The following DIS3L2 variants were observed in gnomAD, a reference collection of about 807,000 sequenced individuals.
The protein encoded by DIS3L2 is DIS3-like exonuclease 2.
In DIS3L2, 34 loss-of-function variants were observed where a neutral mutation model predicts 97.5. That is an observed-to-expected ratio of 0.35 (90% CI 0.27 to 0.46). The LOEUF (loss-of-function observed/expected upper bound fraction) is 0.46, where lower values mean the gene tolerates loss of function less well. Ranked by LOEUF, DIS3L2 falls within the 20% of genes least tolerant of loss-of-function variation. The probability of loss-of-function intolerance (pLI) is 1.00; values close to 1 mark genes in which losing one functional copy is unlikely to be tolerated. For missense variants in DIS3L2, 1,038 were observed against 1,146.0 expected (o/e 0.91, Z 1.36); for synonymous variants, 435 against 445.2 (o/e 0.98, Z 0.29).
chr2:232,004,077 A>C (rs540154504), intron 1 of DIS3L2, among the ~76,000 whole-genome samples: 61 of 151,360 alleles, frequency 4.0e-4, no homozygotes, highest in African/African-American at 1.4e-3. Flanking sequence ...CCCCTTATTT[A>C]TTTGTTTTTT....
intron 12 of DIS3L2, among the ~76,000 whole-genome samples, chr2:232,259,391 G>A (rs114631125): frequency 0.011 from 1,700 of 152,170 alleles, 29 homozygotes; most frequent in African/African-American, 0.038. Flanking sequence ...CTGCTGCTTT[G>A]GGCAAGTCTC....
chr2:232,253,679 GGAGT>G (rs1324499342), intron 12 of DIS3L2, among the ~76,000 whole-genome samples: 1 of 151,976 alleles, frequency 6.6e-6, no homozygotes, highest in East Asian at 1.9e-4. Flanking sequence ...GGTGGGGGAG[GGAGT>G]GTGTATGGAA....
intron 1 of DIS3L2, among the ~76,000 whole-genome samples, chr2:231,977,013 C>T (rs564627299): frequency 3.9e-5 from 6 of 152,210 alleles, no homozygotes; most frequent in African/African-American, 7.2e-5. Context: ...GTGATCCGCC[C>T]GCCTCAGCCT....
At chr2:232,158,424 A>G (rs1690561108) in intron 8 of DIS3L2, among the ~76,000 whole-genome samples, 1 of 152,092 alleles carries the variant, frequency 6.6e-6, no homozygotes, top group African/African-American at 2.4e-5. Context: ...CTTAAATTCA[A>G]TGGTGTAATG....
At chr2:232,168,835 G>A (rs1020494717) in intron 9 of DIS3L2, among the ~76,000 whole-genome samples, 1 of 152,180 alleles carries the variant, frequency 6.6e-6, no homozygotes, top group Non-Finnish European at 1.5e-5. Flanking sequence ...GTACTGTACA[G>A]CAGTAGGTAA....
At chr2:232,033,621 T>A (rs896326712) in intron 5 of DIS3L2, among the ~76,000 whole-genome samples, 1 of 152,194 alleles carries the variant, frequency 6.6e-6, no homozygotes. Flanking sequence ...CATAAATAGC[T>A]CTTACTATTT....
chr2:231,963,949 G>A (rs1278695387), intron 1 of DIS3L2, among the ~76,000 whole-genome samples: 1 of 152,150 alleles, frequency 6.6e-6, no homozygotes, highest in Non-Finnish European at 1.5e-5. Flanking sequence ...TGACTCCTAG[G>A]CTCAAAAGAT....
intron 10 of DIS3L2, among the ~76,000 whole-genome samples, chr2:232,227,447 A>G (rs536021700): frequency 1.3e-5 from 2 of 152,352 alleles, no homozygotes; most frequent in South Asian, 4.1e-4. Flanking sequence ...AAATGAATTA[A>G]TATAATGAAG....
chr2:231,985,183 TAAAGA>T (rs765963355), intron 1 of DIS3L2, among the ~76,000 whole-genome samples: 3 of 152,220 alleles, frequency 2.0e-5, no homozygotes, highest in African/African-American at 7.2e-5. Flanking sequence ...ACAGTCAAGA[TAAAGA>T]AGAGTTCCAT....
At chr2:232,109,996 T>C (rs924217255) in intron 6 of DIS3L2, among the ~76,000 whole-genome samples, 1 of 152,140 alleles carries the variant, frequency 6.6e-6, no homozygotes, top group African/African-American at 2.4e-5. Flanking sequence ...ATAAGGAATT[T>C]AAACAAATTT....
chr2:231,970,568 A>C (rs1301502320), intron 1 of DIS3L2, among the ~76,000 whole-genome samples: 1 of 152,206 alleles, frequency 6.6e-6, no homozygotes, highest in Non-Finnish European at 1.5e-5. Flanking sequence ...ATACAATATA[A>C]AAGATAAAAA....
At chr2:232,262,264 A>G (rs953492252) in intron 12 of DIS3L2, among the ~76,000 whole-genome samples, 1 of 152,136 alleles carries the variant, frequency 6.6e-6, no homozygotes, top group Non-Finnish European at 1.5e-5. Flanking sequence ...TGCCTGCCAG[A>G]TCCCCTCACC....
At chr2:232,088,173 G>A (rs529393300) in intron 6 of DIS3L2, among the ~76,000 whole-genome samples, 65 of 152,152 alleles carry the variant, frequency 4.3e-4, no homozygotes, top group South Asian at 8.3e-4. Context: ...GGCCGAGGCG[G>A]GCGGATCACG....
intron 1 of DIS3L2, among the ~76,000 whole-genome samples, chr2:232,004,623 C>T (rs1169997581): frequency 2.0e-5 from 3 of 150,410 alleles, no homozygotes; most frequent in Admixed American, 6.6e-5. Flanking sequence ...CTCTGTTGCC[C>T]GGGCAGGAGT....
At chr2:232,190,126 G>A (rs1364746496) in intron 9 of DIS3L2, among the ~76,000 whole-genome samples, 1 of 152,072 alleles carries the variant, frequency 6.6e-6, no homozygotes, top group Non-Finnish European at 1.5e-5. Flanking sequence ...GCAGGAGTTC[G>A]AGACCAGCCT....
At chr2:232,280,330 T>C (rs1473660816) in intron 13 of DIS3L2, among the ~76,000 whole-genome samples, 1 of 152,182 alleles carries the variant, frequency 6.6e-6, no homozygotes, top group Non-Finnish European at 1.5e-5. Flanking sequence ...TTCTCTGGCT[T>C]AAGATTTGGC....
At chr2:231,973,083 T>G (rs1479525300) in intron 1 of DIS3L2, among the ~76,000 whole-genome samples, 5 of 152,234 alleles carry the variant, frequency 3.3e-5, no homozygotes, top group Admixed American at 3.3e-4. Context: ...TGGAACAGTT[T>G]GCATAGAACT....
chr2:232,227,382 G>T (rs1351246163), intron 10 of DIS3L2, among the ~76,000 whole-genome samples: 1 of 152,180 alleles, frequency 6.6e-6, no homozygotes, highest in African/African-American at 2.4e-5. Flanking sequence ...TGACCTCCCT[G>T]GGTCTCAGTG....
At chr2:231,968,397 AC>A (rs1354623471) in intron 1 of DIS3L2, among the ~76,000 whole-genome samples, 3 of 152,140 alleles carry the variant, frequency 2.0e-5, no homozygotes, top group Non-Finnish European at 4.4e-5. Context: ...GCTTGGCCTA[AC>A]TGATGTTTTT....
Sources: gnomAD v4.1 joint callset for allele counts (sites outside exome capture counted in the v4.1 genomes callset) on GRCh38, gnomAD v4.1.1 for gene constraint, MANE v1.5 for transcripts, NCBI Gene and HGNC (gene_info 2026-07-23, HGNC 2026-07-21) for gene names.